The following FRK variants were observed in gnomAD, a reference collection of about 807,000 sequenced individuals.
FRK encodes fyn related Src family tyrosine kinase.
FRK carries 51 observed loss-of-function variants against 56.4 expected under a neutral mutation model. The observed-to-expected ratio is 0.90, with a 90% CI of 0.72 to 1.14. The LOEUF is 1.14. FRK is among the 50% of genes most tolerant of loss of function. FRK has a pLI of 0.00. For missense variants in FRK, 570 were observed against 601.4 expected (o/e 0.95, Z 0.55); for synonymous variants, 245 against 217.9 (o/e 1.12, Z -1.10).
At chr6:116,040,931 T>G (rs553362353) in intron 1 of FRK, among the ~76,000 whole-genome samples, 73 of 152,224 alleles carry the variant, frequency 4.8e-4, no homozygotes, top group Non-Finnish European at 4.9e-4. Context: ...TACTAAAAAT[T>G]TTGGATAATG....
In FRK at chr6:116,060,180, G is replaced by A; in HGVS notation, c.132C>T (p.Gly44=). The change falls in exon 1 of 8, where the codon GGC becomes GGT. Residue 44 remains glycine (G), a synonymous_variant. Transcript: ENST00000606080. ...AATCAAACAAAGCCACAAAGTAGTGGCCATGCCTCTGTGACTGGGGAGAGC... is the reference window on the plus strand; with the variant it reads ...AATCAAACAAAGCCACAAAGTAGTGACCATGCCTCTGTGACTGGGGAGAGC... ...ALCSPQSQRH[G]HYFVALFDYQ... The A allele has an allele frequency of 5.6e-6, 9 of 1,614,134 alleles. No homozygotes were observed. The highest frequency in any genetic ancestry group is 1.3e-5 in the African/African-American group (1 of 75,014).
chr6:116,052,995 A>G (rs1176885587), intron 1 of FRK, among the ~76,000 whole-genome samples: 1 of 152,144 alleles, frequency 6.6e-6, no homozygotes, highest in Non-Finnish European at 1.5e-5. Flanking sequence ...TAATGATCCT[A>G]TAAGATAGGT....
intron 2 of FRK, among the ~76,000 whole-genome samples, chr6:115,970,194 TAAC>T (rs1334083920): frequency 6.6e-6 from 1 of 152,060 alleles, no homozygotes; most frequent in Non-Finnish European, 1.5e-5. Flanking sequence ...AAAAAAGTAT[TAAC>T]AAGGAAGTGG....
chr6:116,077,575 A>C, the FRK span, among the ~76,000 whole-genome samples: 3 of 152,148 alleles, frequency 2.0e-5, no homozygotes, highest in African/African-American at 7.2e-5. Context: ...ATTTATTTAA[A>C]CTGTAATTAC....
chr6:115,994,963 C>T (rs1774780494), intron 2 of FRK, among the ~76,000 whole-genome samples: 1 of 152,144 alleles, frequency 6.6e-6, no homozygotes, highest in South Asian at 2.1e-4. Context: ...AGAGCAGAAG[C>T]TGCCTGGTTT....
At position 116,000,430 on chromosome 6, in the gene FRK, A is replaced by G. The variant is rs147417495; in HGVS notation, c.466+3447T>C. On this transcript the variant is annotated intron_variant, in intron 2 of 7. Coordinates refer to ENST00000606080, the MANE Select transcript of FRK (RefSeq NM_002031.3). ...ATTAATTTTTATATTTTTAGTAGAG[A>G]CAGGGTTTCACCATGTTGGCCAGGC... Among the ~76,000 whole-genome samples, 501 of 151,606 alleles carry G rather than the reference A, an allele frequency of 3.3e-3. 4 individuals carry two copies. The highest frequency in any genetic ancestry group is 0.011 in the African/African-American group (466 of 41,316).
rs542538244 is a variant in FRK at position 115,936,655 on chromosome 6, A to G, written c.*5759T>C. The G allele has an allele frequency of 2.0e-5, 3 of 152,402 alleles. No homozygotes were observed. Among genetic ancestry groups the G allele is most frequent in the African/African-American group, 7.2e-5 (3 of 41,596 alleles). 9.4% of individuals were successfully genotyped at this position (152,402 alleles called of 1,614,324 possible). A position where few individuals can be genotyped will look rare whatever the true frequency, so the allele number is the denominator to read the frequency against. ...AAATGACCTGATGGAGCTGAAAAAT[A>G]CAGCATGAGAACTTCATGAAGCATA... is the stretch of plus-strand genomic sequence containing the variant. On this transcript the variant is annotated 3_prime_UTR_variant, in exon 8 of 8. Transcript: ENST00000606080.
chr6:116,091,259 T>C, the FRK span, among the ~76,000 whole-genome samples: 2 of 152,142 alleles, frequency 1.3e-5, no homozygotes, highest in African/African-American at 2.4e-5. Context: ...GAGCTCTGTG[T>C]CTAGCTAAAG....
intron 1 of FRK, among the ~76,000 whole-genome samples, chr6:116,023,188 G>T (rs1034520541): frequency 6.6e-6 from 1 of 152,178 alleles, no homozygotes; most frequent in South Asian, 2.1e-4. Flanking sequence ...TCTCTCATAT[G>T]TAAAGTCAAA....
At position 116,060,565 on chromosome 6, in the gene FRK, G is replaced by T. The variant is rs543895754; in HGVS notation, c.-254C>A. On this transcript the variant is annotated 5_prime_UTR_variant, in exon 1 of 8. Coordinates refer to ENST00000606080, the MANE Select transcript of FRK (RefSeq NM_002031.3). The stretch of plus-strand genomic sequence containing the variant: ...AAAACTGAGCAGGAGCTGGGCAGCT[G>T]CTCACTAGGAAGGTGTCTTTTCTTC... 1 of 447,010 alleles carries T rather than the reference G, an allele frequency of 2.2e-6. No homozygotes were observed. The highest frequency in any genetic ancestry group is 4.0e-6 in the Non-Finnish European group (1 of 250,608). 27.7% of individuals were successfully genotyped at this position (447,010 alleles called of 1,614,324 possible).
intron 4 of FRK, among the ~76,000 whole-genome samples, chr6:115,961,420 T>G (rs1448313487): frequency 8.0e-6 from 1 of 124,610 alleles, no homozygotes; most frequent in Non-Finnish European, 1.6e-5. Context: ...TACGTCTGAT[T>G]GGTGTACCTA....
chr6:116,003,498 G>C (rs936089683), intron 2 of FRK, among the ~76,000 whole-genome samples: 1 of 152,142 alleles, frequency 6.6e-6, no homozygotes, highest in Non-Finnish European at 1.5e-5. Context: ...CCAGCAAAGA[G>C]AATTGAAATG....
At chr6:115,946,075 CT>C (rs1363074653) in intron 5 of FRK, among the ~76,000 whole-genome samples, 10 of 152,062 alleles carry the variant, frequency 6.6e-5, no homozygotes, top group African/African-American at 1.9e-4. Context: ...TTTTAGATGT[CT>C]GGAGAATTAA....
rs369843785 is a variant in FRK at position 115,956,444 on chromosome 6, T to C, written c.958+8A>G. The stretch of plus-strand genomic sequence containing the variant: ...TCTTTTTTTCCTTGTATTAAGTCTT[T>C]AGCTTACTTTGGAGATATTCTTGCA... On this transcript the variant is annotated splice_region_variant and intron_variant, in intron 5 of 7. Coordinates refer to ENST00000606080, the MANE Select transcript of FRK (RefSeq NM_002031.3). The C allele has an allele frequency of 2.6e-4, 397 of 1,506,990 alleles. 1 individual carries two copies. In the African/African-American group the frequency reaches 4.5e-3, roughly 17 times the overall value. The allele number at this position is 1,506,990 out of a possible 1,614,324, so 93.4% of individuals were successfully genotyped here.
intron 1 of FRK, chr6:116,038,650 AT>A (rs1018164295): frequency 1.6e-4 from 51 of 322,690 alleles, no homozygotes; most frequent in East Asian, 1.3e-3. Flanking sequence ...AGGTTCTTAC[AT>A]TTTTTTTAAC....
intron 5 of FRK, among the ~76,000 whole-genome samples, chr6:115,954,406 G>A (rs189584924): frequency 3.2e-4 from 49 of 152,266 alleles, no homozygotes; most frequent in African/African-American, 1.0e-3. Flanking sequence ...AAGACCAGCC[G>A]GGAGCTACTG....
intron 1 of FRK, among the ~76,000 whole-genome samples, chr6:116,032,497 G>A (rs1289329344): frequency 6.6e-6 from 1 of 152,184 alleles, no homozygotes; most frequent in East Asian, 1.9e-4. Context: ...GGTTTAATAA[G>A]TTTGCTTAAT....
intron 1 of FRK, among the ~76,000 whole-genome samples, chr6:116,048,583 G>A (rs527987366): frequency 2.6e-5 from 4 of 151,852 alleles, no homozygotes; most frequent in Non-Finnish European, 4.4e-5. Flanking sequence ...ATGGAGTCTC[G>A]CCATGTTGCC....
In FRK at chr6:115,956,503, A is replaced by G; in HGVS notation, c.907T>C (p.Tyr303His). ...YAVCTLEDPI[Y>H]IITELMRHGS... The stretch of plus-strand genomic sequence containing the variant: ...TGTCTCATCAACTCTGTAATAATAT[A>G]AATTGGATCTTCTAAAGTGCAAACA... Residue 303 changes from tyrosine to histidine, a missense_variant, in exon 5 of 8, where the codon TAT becomes CAT. Transcript: ENST00000606080. The G allele has an allele frequency of 6.3e-7, 1 of 1,584,780 alleles. No individual in the cohort carries two copies. The highest frequency in any genetic ancestry group is 8.6e-7 in the Non-Finnish European group (1 of 1,165,790).
Sources: gnomAD v4.1 joint callset for allele counts (sites outside exome capture counted in the v4.1 genomes callset) on GRCh38, gnomAD v4.1.1 for gene constraint, MANE v1.5 for transcripts, NCBI Gene and HGNC (gene_info 2026-07-23, HGNC 2026-07-21) for gene names.